Variants in UMAD1 observed in about 807,000 individuals in gnomAD.
UMAD1 encodes the protein UBAP1-MVB12-associated (UMA)-domain containing protein 1.
In UMAD1, 8 loss-of-function variants were observed where a neutral mutation model predicts 6.1. The ratio of observed to expected loss-of-function variants is 1.30; its 90% CI spans 0.76 to 2.35. The LOEUF is 2.35. Ranked by LOEUF, UMAD1 falls within the 30% of genes most tolerant of loss-of-function variation. The probability of loss-of-function intolerance (pLI) is 0.00; values close to 1 mark genes in which losing one functional copy is unlikely to be tolerated. For missense variants in UMAD1, 130 were observed against 78.4 expected (o/e 1.66, Z -2.49); for synonymous variants, 56 against 31.4 (o/e 1.78, Z -2.61).
At chr7:7,841,183 A>G (rs538287919) in intron 3 of UMAD1, among the ~76,000 whole-genome samples, 2 of 152,344 alleles carry the variant, frequency 1.3e-5, no homozygotes, top group Admixed American at 1.3e-4. Flanking sequence ...CAAAAGGAGT[A>G]TTATGAGTCG....
intron 3 of UMAD1, among the ~76,000 whole-genome samples, chr7:7,862,473 A>G (rs1425166937): frequency 1.3e-5 from 2 of 152,212 alleles, no homozygotes; most frequent in Non-Finnish European, 2.9e-5. Flanking sequence ...GATACTTACA[A>G]TAAATAAGGC....
At chr7:7,760,078 G>C (rs1236882138) in intron 2 of UMAD1, among the ~76,000 whole-genome samples, 2 of 152,114 alleles carry the variant, frequency 1.3e-5, no homozygotes, top group African/African-American at 4.8e-5. Flanking sequence ...TTTGTTTTCT[G>C]GAACACTTGC....
intron 2 of UMAD1, among the ~76,000 whole-genome samples, chr7:7,673,881 AAT>A (rs1342587054): frequency 6.6e-6 from 1 of 152,136 alleles, no homozygotes; most frequent in African/African-American, 2.4e-5. Context: ...AAATATGTTA[AAT>A]AGTGTTTCCT....
intron 3 of UMAD1, among the ~76,000 whole-genome samples, chr7:7,860,989 G>T (rs949520744): frequency 2.6e-5 from 4 of 152,054 alleles, no homozygotes; most frequent in Non-Finnish European, 5.9e-5. Context: ...TAAGTAAAAT[G>T]ACCAGACACA....
intron 2 of UMAD1, among the ~76,000 whole-genome samples, chr7:7,737,903 G>C (rs1033987957): frequency 6.6e-6 from 1 of 152,162 alleles, no homozygotes; most frequent in Non-Finnish European, 1.5e-5. Context: ...GCCTAGCCCA[G>C]CACTTGCATA....
intron 2 of UMAD1, among the ~76,000 whole-genome samples, chr7:7,698,085 C>G (rs558190768): frequency 1.3e-5 from 2 of 152,140 alleles, no homozygotes; most frequent in African/African-American, 4.8e-5. Flanking sequence ...AATATGTTAT[C>G]TGAATCAAAT....
intron 2 of UMAD1, among the ~76,000 whole-genome samples, chr7:7,737,610 AT>A (rs1341823035): frequency 6.6e-6 from 1 of 152,226 alleles, no homozygotes; most frequent in Non-Finnish European, 1.5e-5. Context: ...ATGACAGTTT[AT>A]GTATTTTGGG....
chr7:7,761,362 C>CCAAAAAAAAAAAAAAA (rs1491506300), intron 2 of UMAD1, among the ~76,000 whole-genome samples: 2 of 50,284 alleles, frequency 4.0e-5, no homozygotes, highest in Admixed American at 1.6e-4. Flanking sequence ...TGAGACCTAA[C>CCAAAAAAAAAAAAAAA]TAAAAAAAAA....
chr7:7,646,943 G>C (rs180703584), intron 1 of UMAD1, among the ~76,000 whole-genome samples: 1 of 152,242 alleles, frequency 6.6e-6, no homozygotes, highest in Admixed American at 6.5e-5. Context: ...TCACATTTAG[G>C]GCTATGGGTC....
intron 2 of UMAD1, chr7:7,718,684 A>G (rs1419533172): frequency 6.6e-6 from 1 of 152,128 alleles, no homozygotes; most frequent in African/African-American, 2.4e-5. Flanking sequence ...CTCTTTGTAT[A>G]GACATCATTC....
At chr7:7,778,271 TGTGTGAGA>T (rs1326309849) in intron 2 of UMAD1, among the ~76,000 whole-genome samples, 128 of 111,436 alleles carry the variant, frequency 1.1e-3, no homozygotes, top group South Asian at 8.3e-3. Context: ...TGTGTGTGTG[TGTGTGAGA>T]GAGAGAGAGA....
At chr7:7,688,334 C>T (rs1780087266) in intron 2 of UMAD1, among the ~76,000 whole-genome samples, 1 of 152,094 alleles carries the variant, frequency 6.6e-6, no homozygotes, top group South Asian at 2.1e-4. Flanking sequence ...GGTACCTTTA[C>T]TAGTTTGGCG....
At chr7:7,702,060 T>G (rs1289666888) in intron 2 of UMAD1, among the ~76,000 whole-genome samples, 1 of 152,194 alleles carries the variant, frequency 6.6e-6, no homozygotes, top group Non-Finnish European at 1.5e-5. Context: ...AGAAATATAT[T>G]CACATATAGT....
At chr7:7,817,655 C>G (rs1298463537) in intron 3 of UMAD1, among the ~76,000 whole-genome samples, 1 of 152,146 alleles carries the variant, frequency 6.6e-6, no homozygotes, top group Non-Finnish European at 1.5e-5. Context: ...ATTTAACCTG[C>G]CACATTGATT....
intron 3 of UMAD1, among the ~76,000 whole-genome samples, chr7:7,814,901 C>T (rs2115288925): frequency 6.6e-6 from 1 of 152,214 alleles, no homozygotes; most frequent in South Asian, 2.1e-4. Flanking sequence ...TGAAAGGAGC[C>T]TCCTTTCCAG....
chr7:7,684,819 G>A (rs565225936), intron 2 of UMAD1, among the ~76,000 whole-genome samples: 57 of 152,252 alleles, frequency 3.7e-4, no homozygotes, highest in Non-Finnish European at 6.8e-4. Flanking sequence ...ACGCATTCAA[G>A]CAGCCATGTT....
chr7:7,778,137 G>A (rs58860964), intron 2 of UMAD1, among the ~76,000 whole-genome samples: 7,452 of 151,942 alleles, frequency 0.049, 604 homozygotes, highest in African/African-American at 0.17. Context: ...CTCTGAAAAA[G>A]GCTTTTTGTA....
intron 2 of UMAD1, among the ~76,000 whole-genome samples, chr7:7,801,383 A>G (rs1006812157): frequency 3.9e-4 from 59 of 152,234 alleles, no homozygotes; most frequent in Non-Finnish European, 8.8e-5. Context: ...TGTTTGAAAT[A>G]TGACTTGATT....
chr7:7,743,891 A>G (rs1226480490), intron 2 of UMAD1, among the ~76,000 whole-genome samples: 1 of 152,082 alleles, frequency 6.6e-6, no homozygotes, highest in African/African-American at 2.4e-5. Flanking sequence ...ATCACCCCAG[A>G]GAAACTATTT....
Sources: allele counts gnomAD v4.1 joint callset (sites outside exome capture counted in the v4.1 genomes callset), GRCh38; gene constraint gnomAD v4.1.1; transcripts MANE v1.5; gene names NCBI Gene and HGNC (gene_info 2026-07-23, HGNC 2026-07-21).